Variants in SIM1 observed in about 807,000 individuals in gnomAD.
SIM1 encodes SIM bHLH transcription factor 1.
SIM1 carries 18 observed loss-of-function variants against 78.2 expected under a neutral mutation model. That is an observed-to-expected ratio of 0.23 (90% confidence interval 0.16 to 0.34). The LOEUF is 0.34. SIM1 is among the 10% of genes least tolerant of loss of function. The pLI, the probability that SIM1 is intolerant of heterozygous loss-of-function variation, is 1.00. For missense variants in SIM1, 939 were observed against 975.1 expected, an observed-to-expected ratio of 0.96 and a Z score of 0.49; for synonymous variants, 417 against 385.2, an observed-to-expected ratio of 1.08 and a Z score of -0.97.
chr6:100,432,393 C>T (rs1771927389), intron 9 of SIM1, among the ~76,000 whole-genome samples: 1 of 151,998 alleles, frequency 6.6e-6, no homozygotes, highest in African/African-American at 2.4e-5. Flanking sequence ...CAATCAGGGG[C>T]CATACTTTGA....
rs879050932 is a variant in SIM1 at position 100,393,776 on chromosome 6, G to A, written c.1281C>T (p.Gly427=). ...AGGCGCACGATGCGTCGTGCTGGGA[G>A]CCAGGCCTATCGGCGGGGTCCAGAA... is the stretch of plus-strand genomic sequence containing the variant. The part of the protein sequence containing the change: ...PQLLDPADRP[G]SQHDASCAYR... Residue 427 remains glycine (G), a synonymous_variant, in exon 11 of 12, where the codon GGC becomes GGT. Transcript: ENST00000369208. 4 of 1,614,112 alleles carry A rather than the reference G, an allele frequency of 2.5e-6. No homozygotes were observed. The highest frequency in any genetic ancestry group is 2.2e-5 in the South Asian group (2 of 91,060).
chr6:100,434,771 A>G (rs1247923042), intron 9 of SIM1, among the ~76,000 whole-genome samples: 1 of 152,212 alleles, frequency 6.6e-6, no homozygotes, highest in Non-Finnish European at 1.5e-5. Context: ...CTTAATGGGT[A>G]CCATTATGAT....
chr6:100,412,683 A>AAGAAAAAGAAAGAAAGAAAG (rs763796634), intron 10 of SIM1, among the ~76,000 whole-genome samples: 1 of 77,044 alleles, frequency 1.3e-5, no homozygotes, highest in Non-Finnish European at 2.5e-5. Context: ...GAAAGAAAGA[A>AAGAAAAAGAAAGAAAGAAAG]AAAGAAAGAA....
At chr6:100,410,707 A>G (rs763013435) in intron 10 of SIM1, among the ~76,000 whole-genome samples, 6 of 152,200 alleles carry the variant, frequency 3.9e-5, no homozygotes, top group Non-Finnish European at 8.8e-5. Flanking sequence ...ACTCTAACCA[A>G]TGAGGTGGCT....
rs752398813 is a variant in SIM1, at chr6:100,393,781, G to T, written c.1276C>A (p.Pro426Thr). 3.7e-6 allele frequency: 6 copies of T among 1,614,016 alleles called. No individual in the cohort carries two copies. The highest frequency in any genetic ancestry group is 5.1e-6 in the Non-Finnish European group (6 of 1,180,016). The change falls in exon 11 of 12, where the codon CCT becomes ACT. Residue 426 changes from proline (P) to threonine (T), a missense_variant. Physicochemically the swap from Pro to Thr is conservative, Grantham distance 38 (BLOSUM62 -1). This residue lies in a region of SIM1 where 556 missense variants were observed against 521.9 expected (regional missense o/e 1.07). Transcript: ENST00000369208. ...SPQLLDPADR[P>T]GSQHDASCAY... ...CACGATGCGTCGTGCTGGGAGCCAG[G>T]CCTATCGGCGGGGTCCAGAAGCTGC...
At chr6:100,461,408 G>C (rs1320948529) in intron 2 of SIM1, among the ~76,000 whole-genome samples, 1 of 152,186 alleles carries the variant, frequency 6.6e-6, no homozygotes, top group Non-Finnish European at 1.5e-5. Flanking sequence ...CCGACTCCCC[G>C]GGCTCTCCCG....
At position 100,420,971 on chromosome 6, in the gene SIM1, A is replaced by G. The variant is rs188177953; in HGVS notation, c.999-13T>C. 2 of 1,610,806 alleles carry G rather than the reference A, an allele frequency of 1.2e-6. No individual in the cohort carries two copies. The highest frequency in any genetic ancestry group is 4.5e-5 in the East Asian group (2 of 44,822). On this transcript the variant is annotated splice_polypyrimidine_tract_variant and intron_variant, in intron 9 of 11. Transcript: ENST00000369208. The stretch of plus-strand genomic sequence containing the variant: ...GTATTCTGTGTCTCTGCAGGGTGGG[A>G]GGACAAAGCCCTTAATCAGCCACCA...
chr6:100,413,187 G>A (rs1034199078), intron 10 of SIM1, among the ~76,000 whole-genome samples: 6 of 152,112 alleles, frequency 3.9e-5, no homozygotes, highest in African/African-American at 1.4e-4. Context: ...GAATCCATAA[G>A]CTCTCTGGGG....
Position 100,409,583 on chromosome 6 carries a change from C to A in SIM1, c.1167+11207G>T, listed in dbSNP as rs117230838. ...TTAATTCCTTCCTTCTGCTAAACTT[C>A]AGTCTAATTTGTTCTTTACCTTATA... On this transcript the variant is annotated intron_variant, in intron 10 of 11. Coordinates refer to ENST00000369208, the MANE Select transcript of SIM1 (RefSeq NM_005068.3). Among the ~76,000 whole-genome samples, 584 of 152,178 alleles carry A rather than the reference C, an allele frequency of 3.8e-3. 8 individuals are homozygous for A. Among genetic ancestry groups the A allele is most frequent in the Admixed American group, 0.025 (387 of 15,286 alleles).
rs772858939 is a variant in SIM1 at position 100,420,809 on chromosome 6, C to T, written c.1148G>A (p.Arg383Lys). 9.3e-6 allele frequency: 15 copies of T among 1,613,928 alleles called. No individual in the cohort carries two copies. The highest frequency in any genetic ancestry group is 5.0e-5 in the Admixed American group (3 of 59,984). Reference sequence around the variant, plus strand: ...ACTTACCTGAGGGTATGGGGAAGTCCTGGATTTTGACTTTGAGCTGGAGAG... The same window carrying T: ...ACTTACCTGAGGGTATGGGGAAGTCTTGGATTTTGACTTTGAGCTGGAGAG... The part of the protein sequence containing the change: ...SRLSSSKSKS[R>K]TSPYPQYSGF... The change falls in exon 10 of 12, where the codon AGG becomes AAG. Residue 383 changes from arginine to lysine, a missense_variant. Around this residue, in one of 5 missense-constraint regions of SIM1, gnomAD observed 556 missense variants for 521.9 expected, o/e 1.07. Coordinates refer to ENST00000369208, the MANE Select transcript of SIM1 (RefSeq NM_005068.3).
At chr6:100,407,677 T>A (rs1289189512) in intron 10 of SIM1, among the ~76,000 whole-genome samples, 1 of 152,138 alleles carries the variant, frequency 6.6e-6, no homozygotes, top group East Asian at 1.9e-4. Flanking sequence ...AGGCTTTGAT[T>A]TGCATTTCTC....
chr6:100,440,852 C>T (rs1772193801), intron 9 of SIM1, among the ~76,000 whole-genome samples: 1 of 151,902 alleles, frequency 6.6e-6, no homozygotes, highest in Non-Finnish European at 1.5e-5. Context: ...ATAATCCATC[C>T]CACCCCCCAC....
At chr6:100,409,521 C>T (rs1771139732) in intron 10 of SIM1, among the ~76,000 whole-genome samples, 1 of 151,736 alleles carries the variant, frequency 6.6e-6, no homozygotes, top group East Asian at 1.9e-4. Flanking sequence ...CTATTGTTTT[C>T]CATTCTCTAT....
intron 10 of SIM1, among the ~76,000 whole-genome samples, chr6:100,417,363 T>A (rs1341254817): frequency 6.6e-6 from 1 of 152,222 alleles, no homozygotes; most frequent in Non-Finnish European, 1.5e-5. Context: ...TTAAGGATAT[T>A]TCTTTTACCA....
At chr6:100,415,134 T>C (rs1196550282) in intron 10 of SIM1, among the ~76,000 whole-genome samples, 1 of 152,194 alleles carries the variant, frequency 6.6e-6, no homozygotes, top group Non-Finnish European at 1.5e-5. Flanking sequence ...CTTTCTGTAA[T>C]AAATGTAACT....
chr6:100,402,850 A>T (rs1454032127), intron 10 of SIM1, among the ~76,000 whole-genome samples: 1 of 152,076 alleles, frequency 6.6e-6, no homozygotes, highest in Non-Finnish European at 1.5e-5. Flanking sequence ...TGCTGGGATT[A>T]CAGGCGTGAG....
chr6:100,447,483 C>G (rs550402234), intron 8 of SIM1, 68 bp from the exon 9 acceptor site: 167 of 1,586,986 alleles, frequency 1.1e-4, no homozygotes, highest in Non-Finnish European at 1.4e-4. Flanking sequence ...AATGCAATCC[C>G]TGGTGGTAAG....
intron 2 of SIM1, among the ~76,000 whole-genome samples, chr6:100,454,598 C>A (rs1772599506): frequency 6.6e-6 from 1 of 151,844 alleles, no homozygotes; most frequent in African/African-American, 2.4e-5. Flanking sequence ...TATTTTCGTT[C>A]TCATCTCTAA....
chr6:100,450,665 GTCTCTCTCTCTCTCTC>G (rs374252955), intron 3 of SIM1, among the ~76,000 whole-genome samples: 1 of 117,244 alleles, frequency 8.5e-6, no homozygotes, highest in Non-Finnish European at 1.7e-5. Flanking sequence ...CACACACACT[GTCTCTCTCTCTCTCTC>G]TCTCTCTCTC....
Sources: allele counts gnomAD v4.1 joint callset (sites outside exome capture counted in the v4.1 genomes callset), GRCh38; gene constraint gnomAD v4.1.1; regional missense constraint gnomAD v4.1.1; transcripts MANE v1.5; gene names NCBI Gene and HGNC (gene_info 2026-07-23, HGNC 2026-07-21).